The following EFCAB11 variants were observed in gnomAD, a reference collection of about 807,000 sequenced individuals.
EFCAB11 encodes the protein EF-hand calcium-binding domain-containing protein 11.
Under a neutral mutation model 23.0 loss-of-function variants are expected in EFCAB11, and 14 were observed. That is an observed-to-expected ratio of 0.61 (90% confidence interval 0.40 to 0.95). EFCAB11 has a LOEUF of 0.95. Ranked by LOEUF, EFCAB11 falls within the 40% of genes least tolerant of loss-of-function variation. The pLI is 0.00. For synonymous variants in EFCAB11, 65 were observed against 66.6 expected, an observed-to-expected ratio of 0.98 and a Z score of 0.11; for missense variants, 198 against 195.8, an observed-to-expected ratio of 1.01 and a Z score of -0.07.
intron 3 of EFCAB11, among the ~76,000 whole-genome samples, chr14:89,934,324 T>C (rs1301234490): frequency 6.6e-6 from 1 of 152,128 alleles, no homozygotes; most frequent in Non-Finnish European, 1.5e-5. Context: ...GGTTTCCAGA[T>C]ATATTTTAGA....
chr14:89,843,364 AAAGT>A (rs33940634), intron 5 of EFCAB11, among the ~76,000 whole-genome samples: 95,951 of 151,688 alleles, frequency 0.63, 32,818 homozygotes, highest in Non-Finnish European at 0.79. Context: ...TTGCAAAACA[AAAGT>A]AAGAAGAATA....
At position 89,876,232 on chromosome 14, in the gene EFCAB11, G is replaced by GC. The variant is rs1200895053; in HGVS notation, c.410+55308dup. 2.0e-5 allele frequency among the ~76,000 whole-genome samples: 3 copies of GC among 152,190 alleles called. No homozygotes were observed. In the East Asian group the frequency reaches 5.8e-4, roughly 29 times the overall value. Reference sequence around the variant, plus strand: ...GGGCCCAGAATGGGTTCTATTACTAGCATCAGTGGTGGTGGTGGTCGAGGA... The same window carrying GC: ...GGGCCCAGAATGGGTTCTATTACTAGCCATCAGTGGTGGTGGTGGTCGAGGA... On this transcript the variant is annotated intron_variant, in intron 5 of 5. Coordinates refer to ENST00000316738, the MANE Select transcript of EFCAB11 (RefSeq NM_145231.4).
chr14:89,886,341 C>T (rs1031249886), intron 5 of EFCAB11, among the ~76,000 whole-genome samples: 5 of 151,832 alleles, frequency 3.3e-5, no homozygotes, highest in Non-Finnish European at 5.9e-5. Context: ...CTCTGTGAAA[C>T]CCCGTCTCTA....
Position 89,797,054 on chromosome 14 carries a change from C to A in EFCAB11, c.*189G>T. 2.9e-6 allele frequency: 1 copy of A among 349,156 alleles called. No homozygotes were observed. The highest frequency in any genetic ancestry group is 4.5e-5 in the Admixed American group (1 of 22,314). The allele number at this position is 349,156 out of a possible 1,614,324, so 21.6% of individuals were successfully genotyped here. A position where few individuals can be genotyped will look rare whatever the true frequency, so the allele number is the denominator to read the frequency against. ...GTCAATTACTTATTGCATGCCTGTG[C>A]CAAAATATCTCCCGTAACCCATATA... On this transcript the variant is annotated 3_prime_UTR_variant, in exon 6 of 6. Transcript: ENST00000316738.
At chr14:89,851,653 G>T (rs1181204087) in intron 5 of EFCAB11, among the ~76,000 whole-genome samples, 1 of 152,156 alleles carries the variant, frequency 6.6e-6, no homozygotes. Context: ...AAGCAAATTT[G>T]GATCTAACAA....
chr14:89,910,385 G>T (rs1415972694), intron 5 of EFCAB11, among the ~76,000 whole-genome samples: 1 of 152,116 alleles, frequency 6.6e-6, no homozygotes, highest in Non-Finnish European at 1.5e-5. Flanking sequence ...ATCACTTAAG[G>T]CCAGGAGTTC....
rs146874617 is a variant in EFCAB11 at position 89,795,440 on chromosome 14, C to T, written c.*1803G>A. 8,269 of 151,692 alleles carry T rather than the reference C, an allele frequency of 0.055. 299 individuals are homozygous for T. Among genetic ancestry groups the T allele is most frequent in the Non-Finnish European group, 0.08 (5,409 of 67,886 alleles). The allele number at this position is 151,692 out of a possible 1,614,324, so 9.4% of individuals were successfully genotyped here. ...CTGTAATCCCAGCACTTTGGGAGGC[C>T]GAGGCAGACGGATCACTTGAGGTCA... is the stretch of plus-strand genomic sequence containing the variant. On this transcript the variant is annotated 3_prime_UTR_variant, in exon 6 of 6. Transcript: ENST00000316738.
chr14:89,841,447 C>T (rs571866890), intron 5 of EFCAB11, among the ~76,000 whole-genome samples: 144 of 151,780 alleles, frequency 9.5e-4, no homozygotes, highest in African/African-American at 3.4e-3. Context: ...TCTTCTTCCC[C>T]GCCGCACCCC....
intron 5 of EFCAB11, among the ~76,000 whole-genome samples, chr14:89,824,383 C>T (rs1407240844): frequency 6.6e-6 from 1 of 151,748 alleles, no homozygotes; most frequent in East Asian, 1.9e-4. Flanking sequence ...AAGGAAGTTC[C>T]TTAGGCTTAT....
rs540651967 is a variant in EFCAB11 at position 89,893,542 on chromosome 14, C to T, written c.410+37999G>A. Among the ~76,000 whole-genome samples, 3 of 152,112 alleles carry T rather than the reference C, an allele frequency of 2.0e-5. No individual in the cohort carries two copies. The South Asian group carries it at 6.2e-4, about 32-fold the overall frequency. On this transcript the variant is annotated intron_variant, in intron 5 of 5. Transcript: ENST00000316738. Reference sequence around the variant, plus strand: ...TCTGGGAAAGGCCCTCCCTTCAGGGCAGCCCGTATCCAAAGTCCATCTCCT... The same window carrying T: ...TCTGGGAAAGGCCCTCCCTTCAGGGTAGCCCGTATCCAAAGTCCATCTCCT...
chr14:89,811,645 G>A (rs1886153849), intron 5 of EFCAB11, among the ~76,000 whole-genome samples: 1 of 152,114 alleles, frequency 6.6e-6, no homozygotes, highest in African/African-American at 2.4e-5. Flanking sequence ...TGTTGATGGA[G>A]AAAAAGCCAT....
chr14:89,835,584 ACGTGTGTGTGTG>A lies in EFCAB11; in HGVS notation c.411-38272_411-38261del, dbSNP rs1425312583. On this transcript the variant is annotated intron_variant, in intron 5 of 5. Transcript: ENST00000316738. Reference sequence around the variant, plus strand: ...TTGGATTTCAGATTAGGGATGCTCAACGTGTGTGTGTGTGTGTGTGTGTGTGTGTGTGTGTGT... The same window carrying A: ...TTGGATTTCAGATTAGGGATGCTCAATGTGTGTGTGTGTGTGTGTGTGTGT... 5.0e-4 allele frequency among the ~76,000 whole-genome samples: 37 copies of A among 73,476 alleles called. No individual in the cohort carries two copies. In the East Asian group the frequency reaches 0.016, roughly 31 times the overall value. 48.2% of individuals were successfully genotyped at this position (73,476 alleles called of 152,430 possible).
At chr14:89,866,261 G>C (rs900443502) in intron 5 of EFCAB11, among the ~76,000 whole-genome samples, 2 of 152,218 alleles carry the variant, frequency 1.3e-5, no homozygotes, top group Non-Finnish European at 2.9e-5. Context: ...CGTATGGCAA[G>C]AGCCCCTTCT....
intron 5 of EFCAB11, among the ~76,000 whole-genome samples, chr14:89,914,754 C>A (rs1322743527): frequency 6.6e-6 from 1 of 151,430 alleles, no homozygotes; most frequent in Non-Finnish European, 1.5e-5. Context: ...CACTGCACTC[C>A]AGCCTGGGCA....
chr14:89,892,761 G>C (rs1889015884), intron 5 of EFCAB11, among the ~76,000 whole-genome samples: 1 of 152,058 alleles, frequency 6.6e-6, no homozygotes, highest in African/African-American at 2.4e-5. Context: ...AATTAGCCAG[G>C]CGTGGTGGTG....
chr14:89,954,384 A>G, intron 1 of EFCAB11: 1 of 1,535,996 alleles, frequency 6.5e-7, no homozygotes, highest in African/African-American at 1.4e-5. Flanking sequence ...GAGAAAGGAG[A>G]TGGAACTTGG....
At chr14:89,876,097 G>T (rs1280845986) in intron 5 of EFCAB11, among the ~76,000 whole-genome samples, 1 of 152,198 alleles carries the variant, frequency 6.6e-6, no homozygotes, top group African/African-American at 2.4e-5. Flanking sequence ...GCTGGTAGAA[G>T]TGACAGCCAT....
intron 5 of EFCAB11, among the ~76,000 whole-genome samples, chr14:89,876,628 A>G (rs1276090573): frequency 6.6e-6 from 1 of 152,176 alleles, no homozygotes; most frequent in Non-Finnish European, 1.5e-5. Flanking sequence ...GTCACAAGAA[A>G]AAAGAGGGGG....
At chr14:89,933,240 A>G (rs1024556363) in intron 3 of EFCAB11, among the ~76,000 whole-genome samples, 19 of 152,372 alleles carry the variant, frequency 1.2e-4, no homozygotes, top group African/African-American at 4.1e-4. Context: ...AGAGCCCAGC[A>G]TGATAAAATG....
Sources: gnomAD v4.1 joint callset for allele counts (sites outside exome capture counted in the v4.1 genomes callset) on GRCh38, gnomAD v4.1.1 for gene constraint, MANE v1.5 for transcripts, NCBI Gene and HGNC (gene_info 2026-07-23, HGNC 2026-07-21) for gene names.